Variants in HSPG2 observed in about 807,000 individuals in gnomAD.
HSPG2 encodes basement membrane-specific heparan sulfate proteoglycan core protein.
In HSPG2, 278 loss-of-function variants were observed where a neutral mutation model predicts 526.6. That is an observed-to-expected ratio of 0.53 (90% CI 0.48 to 0.58). HSPG2 has a LOEUF of 0.58. Among genes scored for constraint, HSPG2 ranks in the 20% least tolerant of loss-of-function variants. The pLI is 0.00. For synonymous variants in HSPG2, 2,465 were observed against 2,555.4 expected, an observed-to-expected ratio of 0.96 and a Z score of 1.07; for missense variants, 5,354 against 6,099.5, an observed-to-expected ratio of 0.88 and a Z score of 4.07.
intron 1 of HSPG2, among the ~76,000 whole-genome samples, chr1:21,913,523 G>A (rs1319261900): frequency 1.3e-5 from 2 of 152,232 alleles, no homozygotes; most frequent in Non-Finnish European, 2.9e-5. Context: ...CCCACGGACA[G>A]CCAGGAACCT....
chr1:21,910,128 A>C (rs1643584228), intron 1 of HSPG2, among the ~76,000 whole-genome samples: 1 of 152,172 alleles, frequency 6.6e-6, no homozygotes, highest in Non-Finnish European at 1.5e-5. Context: ...CCCCCTCAGG[A>C]TCCTCCATGG....
In HSPG2 at chr1:21,890,661, G is replaced by C. The variant is rs779062482; in HGVS notation, c.278C>G (p.Ser93Cys). 4 of 1,613,938 alleles carry C rather than the reference G, an allele frequency of 2.5e-6. No homozygotes were observed. Among genetic ancestry groups the C allele is most frequent in the Non-Finnish European group, 3.4e-6 (4 of 1,179,848 alleles). Reference protein sequence around the residue: ...YFRALVNFTRSIEYSPQLEDA... With the variant: ...YFRALVNFTRCIEYSPQLEDA... ...CTCCAGCTGAGGGCTGTACTCGATGGAGCGAGTGAAATTCACCAGGGCTCG... is the reference window on the plus strand; with the variant it reads ...CTCCAGCTGAGGGCTGTACTCGATGCAGCGAGTGAAATTCACCAGGGCTCG... The change falls in exon 4 of 97, where the codon TCC (serine) becomes TGC (cysteine). Residue 93 changes from serine (S) to cysteine (C), a missense_variant. Transcript: ENST00000374695. This position sits in a 1 kb window ranked among gnomAD's most constrained non-coding sequence, Gnocchi z 4.1.
chr1:21,924,818 G>A (rs1644141086), intron 1 of HSPG2, among the ~76,000 whole-genome samples: 1 of 152,108 alleles, frequency 6.6e-6, no homozygotes, highest in Non-Finnish European at 1.5e-5. Context: ...GGACAATGGG[G>A]ACAACTCCTG....
At position 21,854,193 on chromosome 1, in the gene HSPG2, C is replaced by A; in HGVS notation, c.6439G>T (p.Val2147Leu). 6.3e-7 allele frequency: 1 copy of A among 1,585,976 alleles called. No homozygotes were observed. ...GTHSGPSYTP[V>L]PGSTRPIRIE... ...GGCCCAGCCACACCTGGCTCCTCAC[C>A]TGGGGTGTAGCTGGGGCCAGAATGG... The change falls in exon 50 of 97, where the codon GTG (valine) becomes TTG (leucine). Residue 2147 changes from valine (V) to leucine (L), a missense_variant and splice_region_variant. Transcript: ENST00000374695.
At chr1:21,925,906 T>C (rs1644178065) in intron 1 of HSPG2, among the ~76,000 whole-genome samples, 1 of 152,050 alleles carries the variant, frequency 6.6e-6, no homozygotes, top group Admixed American at 6.5e-5. Context: ...CTTGGCTCAC[T>C]GCAGCCTCCG....
chr1:21,864,785 T>C lies in HSPG2; in HGVS notation c.4626+58A>G. 6.9e-7 allele frequency: 1 copy of C among 1,442,046 alleles called. No homozygotes were observed. The highest frequency in any genetic ancestry group is 9.6e-7 in the Non-Finnish European group (1 of 1,041,572). The allele number at this position is 1,442,046 out of a possible 1,614,324, so 89.3% of individuals were successfully genotyped here. The stretch of plus-strand genomic sequence containing the variant: ...TCAAGGCTGCGGCGACGCCGGCTGA[T>C]TTGCTTGCTGATGCCTCTGTGCCTG... On this transcript the variant is annotated intron_variant, in intron 36 of 96. Transcript: ENST00000374695. The surrounding 1 kb of genome is among the most constrained non-coding windows in gnomAD (Gnocchi z 4.8).
chr1:21,889,136 T>C (rs964029947), intron 6 of HSPG2, among the ~76,000 whole-genome samples: 6 of 152,162 alleles, frequency 3.9e-5, no homozygotes, highest in African/African-American at 1.4e-4. Flanking sequence ...CACTGTCTTT[T>C]CCTAATTGGG....
At chr1:21,905,727 A>G (rs1643345049) in intron 1 of HSPG2, among the ~76,000 whole-genome samples, 1 of 152,198 alleles carries the variant, frequency 6.6e-6, no homozygotes, top group South Asian at 2.1e-4. Context: ...GGGCAATAAG[A>G]GTGAAAATCC....
chr1:21,840,249 C>T (rs535436812), intron 71 of HSPG2, among the ~76,000 whole-genome samples: 1 of 152,264 alleles, frequency 6.6e-6, no homozygotes, highest in African/African-American at 2.4e-5. Flanking sequence ...GCAATCCTCT[C>T]GCCTCAGCCT....
chr1:21,926,021 G>A (rs1158716510), intron 1 of HSPG2, among the ~76,000 whole-genome samples: 1 of 151,960 alleles, frequency 6.6e-6, no homozygotes, highest in African/African-American at 2.4e-5. Context: ...GTAGAGATGG[G>A]GTTTTACCAT....
In HSPG2 at chr1:21,841,833, G is replaced by A. The variant is rs540083140; in HGVS notation, c.9194-160C>T. ...ATAGCAGAAAGTAACAAAGGCCTTG[G>A]AAACTCCTGGGTCCAGCGCTCTTGC... On this transcript the variant is annotated intron_variant, in intron 69 of 96. Coordinates refer to ENST00000374695, the MANE Select transcript of HSPG2 (RefSeq NM_005529.7). Among the ~76,000 whole-genome samples, 21 of 152,290 alleles carry A rather than the reference G, an allele frequency of 1.4e-4. No homozygotes were observed. The East Asian group carries it at 4.1e-3, about 29-fold the overall frequency.
intron 80 of HSPG2, 23 bp downstream of exon 80, chr1:21,833,245 C>T (rs750619154): frequency 2.9e-5 from 46 of 1,602,028 alleles, no homozygotes; most frequent in Non-Finnish European, 3.4e-5. Context: ...CAGCCCACCC[C>T]GCAAATTAAC....
chr1:21,831,675 C>T lies in HSPG2; in HGVS notation c.11329G>A (p.Ala3777Thr), dbSNP rs756919196. 1.2e-6 allele frequency: 2 copies of T among 1,605,788 alleles called. No homozygotes were observed. Among genetic ancestry groups the T allele is most frequent in the Non-Finnish European group, 8.5e-7 (1 of 1,175,746 alleles). ...TQGSLIVGDL[A>T]PVNGTSQGKF... The stretch of plus-strand genomic sequence containing the variant: ...ACCTGGGAGGTCCCATTGACCGGGG[C>T]CAGGTCACCCACAATCAGGGAGCCC... The change falls in exon 82 of 97, where the codon GCC becomes ACC. Residue 3777 changes from alanine to threonine, a missense_variant. Transcript: ENST00000374695.
chr1:21,890,952 A>G lies in HSPG2; in HGVS notation c.245-258T>C, dbSNP rs1642313896. On this transcript the variant is annotated intron_variant, in intron 3 of 96. Transcript: ENST00000374695. This position sits in a 1 kb window ranked among gnomAD's most constrained non-coding sequence, Gnocchi z 4.1. Reference sequence around the variant, plus strand: ...ATCCAGAAACCAAGTGCTAGTGCAAAAGAGGAGACCCCCACAGTTCAGAGG... The same window carrying G: ...ATCCAGAAACCAAGTGCTAGTGCAAGAGAGGAGACCCCCACAGTTCAGAGG... Among the ~76,000 whole-genome samples, 1 of 152,244 alleles carries G rather than the reference A, an allele frequency of 6.6e-6. No individual in the cohort carries two copies. Among genetic ancestry groups the G allele is most frequent in the Non-Finnish European group, 1.5e-5 (1 of 68,046 alleles).
chr1:21,859,325 A>G lies in HSPG2; in HGVS notation c.5293+241T>C, dbSNP rs12754971. ...GCCTCCCAAAGTGTTGGGATTATAG[A>G]CGTGACCCACCGTGCCCGGCCCACC... On this transcript the variant is annotated intron_variant, in intron 42 of 96. Coordinates refer to ENST00000374695, the MANE Select transcript of HSPG2 (RefSeq NM_005529.7). The surrounding 1 kb of genome is among the most constrained non-coding windows in gnomAD (Gnocchi z 5.3). 0.038 allele frequency among the ~76,000 whole-genome samples: 5,796 copies of G among 152,006 alleles called. 162 individuals carry two copies. Among genetic ancestry groups the G allele is most frequent in the South Asian group, 0.1 (493 of 4,802 alleles).
At chr1:21,862,772 G>A (rs1256305943) in intron 37 of HSPG2, among the ~76,000 whole-genome samples, 2 of 151,782 alleles carry the variant, frequency 1.3e-5, no homozygotes, top group African/African-American at 2.4e-5. Flanking sequence ...TGGGGGCAGA[G>A]CATTAAAAAT....
In HSPG2 at chr1:21,835,378, C is replaced by T; in HGVS notation, c.10453+162G>A. The T allele has an allele frequency of 4.5e-6, 3 of 670,898 alleles. 1 individual carries two copies. The South Asian group carries it at 4.8e-5, about 11-fold the overall frequency. 41.6% of individuals were successfully genotyped at this position (670,898 alleles called of 1,614,324 possible). On this transcript the variant is annotated intron_variant, in intron 76 of 96. Coordinates refer to ENST00000374695, the MANE Select transcript of HSPG2 (RefSeq NM_005529.7). ...CTCCCTTGAAATATGTATCAAGCCCCTTTTACTCTATGCTAGACACAAGCA... is the reference window on the plus strand; with the variant it reads ...CTCCCTTGAAATATGTATCAAGCCCTTTTTACTCTATGCTAGACACAAGCA...
At position 21,887,397 on chromosome 1, in the gene HSPG2, C is replaced by A. The variant is rs1344002392; in HGVS notation, c.958+23G>T. ...GCCAGCTTCCTGCTCCCCGCACCCA[C>A]CTGCACCCCTGCCGGTGCGCACCAC... On this transcript the variant is annotated intron_variant, in intron 8 of 96. Transcript: ENST00000374695. This position sits in a 1 kb window ranked among gnomAD's most constrained non-coding sequence, Gnocchi z 5.0. 6.2e-7 allele frequency: 1 copy of A among 1,613,970 alleles called. No individual in the cohort carries two copies. Among genetic ancestry groups the A allele is most frequent in the Middle Eastern group, 1.7e-4 (1 of 6,020 alleles).
chr1:21,900,459 G>A (rs538860342), intron 1 of HSPG2, among the ~76,000 whole-genome samples: 3 of 152,290 alleles, frequency 2.0e-5, no homozygotes, highest in South Asian at 2.1e-4. Flanking sequence ...TGGTGAGAAC[G>A]AGGGTCACAT....
Sources: allele counts gnomAD v4.1 joint callset (sites outside exome capture counted in the v4.1 genomes callset), GRCh38; gene constraint gnomAD v4.1.1; non-coding constraint Gnocchi (gnomAD v3.1); transcripts MANE v1.5; gene names NCBI Gene and HGNC (gene_info 2026-07-23, HGNC 2026-07-21).